ABTB2: variants seen among roughly 807,000 people sequenced by gnomAD.
The protein encoded by ABTB2 is ankyrin repeat and BTB domain containing 2.
In ABTB2, 56 loss-of-function variants were observed where a neutral mutation model predicts 104.1. The ratio of observed to expected loss-of-function variants is 0.54; its 90% CI spans 0.43 to 0.67. The LOEUF (loss-of-function observed/expected upper bound fraction) is 0.67. ABTB2 is among the 30% of genes least tolerant of loss of function. The pLI, the probability that ABTB2 is intolerant of heterozygous loss-of-function variation, is 0.00. For synonymous variants in ABTB2, 606 were observed against 608.2 expected, an observed-to-expected ratio of 1.00 and a Z score of 0.05; for missense variants, 1,279 against 1,407.7, an observed-to-expected ratio of 0.91 and a Z score of 1.46.
intron 1 of ABTB2, among the ~76,000 whole-genome samples, chr11:34,210,330 A>T (rs1051204846): frequency 6.6e-6 from 1 of 152,140 alleles, no homozygotes. Flanking sequence ...ATCCCTTCTC[A>T]TTCCACCATT....
intron 1 of ABTB2, among the ~76,000 whole-genome samples, chr11:34,337,506 C>T (rs1564935747): frequency 6.6e-6 from 1 of 152,238 alleles, no homozygotes; most frequent in Non-Finnish European, 1.5e-5. Context: ...TAGCCTAATG[C>T]TTTTGATTAA....
chr11:34,156,467 G>C (rs1852628138), intron 14 of ABTB2, among the ~76,000 whole-genome samples: 1 of 152,116 alleles, frequency 6.6e-6, no homozygotes, highest in Non-Finnish European at 1.5e-5. Context: ...AGCTGATACT[G>C]CAGAAACCAT....
chr11:34,166,966 C>A (rs2133011443), intron 7 of ABTB2, among the ~76,000 whole-genome samples: 1 of 152,332 alleles, frequency 6.6e-6, no homozygotes, highest in South Asian at 2.1e-4. Flanking sequence ...GGGACAGCCC[C>A]CAGTGTGCCC....
intron 1 of ABTB2, among the ~76,000 whole-genome samples, chr11:34,279,727 C>T (rs1854426835): frequency 1.3e-5 from 2 of 151,500 alleles, no homozygotes; most frequent in South Asian, 2.1e-4. Flanking sequence ...CTAACACTCA[C>T]AGAGAAAATA....
At chr11:34,291,589 G>A (rs1205622793) in intron 1 of ABTB2, among the ~76,000 whole-genome samples, 2 of 152,108 alleles carry the variant, frequency 1.3e-5, no homozygotes, top group African/African-American at 2.4e-5. Flanking sequence ...TCTGCCTCCC[G>A]GGTTCAAGCA....
chr11:34,234,754 T>TA (rs1259470051), intron 1 of ABTB2, among the ~76,000 whole-genome samples: 2 of 152,236 alleles, frequency 1.3e-5, no homozygotes, highest in Non-Finnish European at 2.9e-5. Context: ...TGCTACCTGC[T>TA]CCTGCTTAAC....
At chr11:34,287,243 CT>C (rs1368848757) in intron 1 of ABTB2, among the ~76,000 whole-genome samples, 4 of 149,212 alleles carry the variant, frequency 2.7e-5, no homozygotes, top group Admixed American at 2.7e-4. Flanking sequence ...GTCAAATTTA[CT>C]GTATGATAAT....
intron 1 of ABTB2, among the ~76,000 whole-genome samples, chr11:34,348,348 A>G (rs546488121): frequency 4.6e-5 from 7 of 152,322 alleles, no homozygotes; most frequent in African/African-American, 1.4e-4. Context: ...GCTTCTTAAC[A>G]TCTGGATAAA....
At chr11:34,322,051 G>C (rs1397634122) in intron 1 of ABTB2, among the ~76,000 whole-genome samples, 1 of 152,168 alleles carries the variant, frequency 6.6e-6, no homozygotes, top group Non-Finnish European at 1.5e-5. Flanking sequence ...ATCCCTCTGG[G>C]AAATAACCTG....
chr11:34,272,900 G>T (rs953533595), intron 1 of ABTB2, among the ~76,000 whole-genome samples: 1 of 151,928 alleles, frequency 6.6e-6, no homozygotes. Context: ...TCTAAAGTTG[G>T]CATGGCCACT....
intron 1 of ABTB2, among the ~76,000 whole-genome samples, chr11:34,224,705 A>T (rs117181647): frequency 6.6e-6 from 1 of 152,304 alleles, no homozygotes; most frequent in East Asian, 1.9e-4. Context: ...GAGGGCGAAC[A>T]TCAAATGAGA....
chr11:34,328,190 C>G (rs540936217), intron 1 of ABTB2, among the ~76,000 whole-genome samples: 4 of 152,220 alleles, frequency 2.6e-5, no homozygotes, highest in Non-Finnish European at 5.9e-5. Flanking sequence ...CAGTATCCCC[C>G]CTTCTGGAAA....
At chr11:34,184,601 C>T (rs2473912) in intron 3 of ABTB2, among the ~76,000 whole-genome samples, 32,063 of 152,244 alleles carry the variant, frequency 0.21, 3,553 homozygotes, top group African/African-American at 0.25. Context: ...GGGAGAGCTC[C>T]TAGCCCTGCA....
intron 1 of ABTB2, among the ~76,000 whole-genome samples, chr11:34,295,299 G>A (rs538660960): frequency 1.3e-5 from 2 of 152,302 alleles, no homozygotes; most frequent in East Asian, 3.9e-4. Context: ...GCTAGAGGTC[G>A]TGGGACCCTA....
At chr11:34,169,143 C>T (rs755835255) in intron 5 of ABTB2, among the ~76,000 whole-genome samples, 1 of 152,178 alleles carries the variant, frequency 6.6e-6, no homozygotes, top group Non-Finnish European at 1.5e-5. Flanking sequence ...TTTGTTTCAT[C>T]TCCCTGCGGA....
chr11:34,197,348 CG>C lies in ABTB2; in HGVS notation c.1220del (p.Pro407ArgfsTer3). ...ACCGTTCATTGTTCAAGGTCATTCT[CG>C]GGGGGTCCAGGTTGGGGTTCTCCAT... ...ESMENPNLDP[P>X]RMTLNNERPF... On this transcript the variant is annotated frameshift_variant, in exon 3 of 17. Transcript: ENST00000435224. LOFTEE classifies it high-confidence loss of function. The C allele has an allele frequency of 6.2e-7, 1 of 1,614,044 alleles. No individual in the cohort carries two copies. The highest frequency in any genetic ancestry group is 8.5e-7 in the Non-Finnish European group (1 of 1,179,998).
chr11:34,340,197 T>C (rs1855246131), intron 1 of ABTB2, among the ~76,000 whole-genome samples: 1 of 152,182 alleles, frequency 6.6e-6, no homozygotes, highest in Non-Finnish European at 1.5e-5. Flanking sequence ...CTGGGTCGCT[T>C]TTTCTGACTA....
At chr11:34,159,710 C>T (rs559328743) in intron 13 of ABTB2, among the ~76,000 whole-genome samples, 196 bp downstream of exon 13, 3 of 152,352 alleles carry the variant, frequency 2.0e-5, no homozygotes, top group East Asian at 1.9e-4. Flanking sequence ...CCTCAGAGCC[C>T]CCCTTTCCTG....
At chr11:34,315,601 C>T (rs1854917100) in intron 1 of ABTB2, among the ~76,000 whole-genome samples, 1 of 152,216 alleles carries the variant, frequency 6.6e-6, no homozygotes, top group South Asian at 2.1e-4. Flanking sequence ...CTGTCTCCTC[C>T]ATCCCTCCTC....
Sources: gnomAD v4.1 joint callset for allele counts (sites outside exome capture counted in the v4.1 genomes callset) on GRCh38, gnomAD v4.1.1 for gene constraint, MANE v1.5 for transcripts, NCBI Gene and HGNC (gene_info 2026-07-23, HGNC 2026-07-21) for gene names.